The following PLSCR5 variants were observed in gnomAD, a reference collection of about 807,000 sequenced individuals.
The protein encoded by PLSCR5 is phospholipid scramblase family, member 5.
In PLSCR5, 44 loss-of-function variants were observed where a neutral mutation model predicts 33.6. The observed-to-expected ratio is 1.31, with a 90% CI of 1.03 to 1.69. PLSCR5 has a LOEUF of 1.69. Among genes scored for constraint, PLSCR5 ranks in the 40% most tolerant of loss-of-function variants. PLSCR5 has a pLI of 0.00. For missense variants in PLSCR5, 375 were observed against 318.7 expected, an observed-to-expected ratio of 1.18 and a Z score of -1.34; for synonymous variants, 148 against 112.3, an observed-to-expected ratio of 1.32 and a Z score of -2.01.
Position 146,589,530 on chromosome 3 carries a change from T to C in PLSCR5, c.777+123A>G, listed in dbSNP as rs976883687. Reference sequence around the variant, plus strand: ...TTTGAAGAACATTGGTCCTAAGCTATCCTTCTATGAATAAAATATACTCTT... The same window carrying C: ...TTTGAAGAACATTGGTCCTAAGCTACCCTTCTATGAATAAAATATACTCTT... On this transcript the variant is annotated intron_variant, in intron 6 of 7. Coordinates refer to ENST00000443512, the MANE Select transcript of PLSCR5 (RefSeq NM_001085420.2). 52 of 976,710 alleles carry C rather than the reference T, an allele frequency of 5.3e-5. 1 individual carries two copies. In the Admixed American group the frequency reaches 1.7e-3, roughly 33 times the overall value. 60.5% of individuals were successfully genotyped at this position (976,710 alleles called of 1,614,324 possible). A position where few individuals can be genotyped will look rare whatever the true frequency, so the allele number is the denominator to read the frequency against.
In PLSCR5 at chr3:146,605,276, A is replaced by C; in HGVS notation, c.-64T>G. 6.2e-7 allele frequency: 1 copy of C among 1,607,562 alleles called. No individual in the cohort carries two copies. Among genetic ancestry groups the C allele is most frequent in the Non-Finnish European group, 8.5e-7 (1 of 1,176,520 alleles). ...GGAAAACAAAGGCTTTTCTTGTTGC[A>C]GCAAGGAGAGAAAACGCAGCATGCA... On this transcript the variant is annotated 5_prime_UTR_variant, in exon 1 of 8. Transcript: ENST00000443512.
chr3:146,601,262 T>G (rs1001023812), intron 1 of PLSCR5, among the ~76,000 whole-genome samples: 12 of 152,092 alleles, frequency 7.9e-5, no homozygotes, highest in African/African-American at 2.9e-4. Context: ...AGGTGGTATA[T>G]GCAAAAGTCG....
At chr3:146,604,465 A>G (rs995207575) in intron 1 of PLSCR5, among the ~76,000 whole-genome samples, 1 of 152,104 alleles carries the variant, frequency 6.6e-6, no homozygotes, top group African/African-American at 2.4e-5. Context: ...TTTGTTTTCT[A>G]TCTTTAATTT....
intron 2 of PLSCR5, among the ~76,000 whole-genome samples, chr3:146,596,437 CA>C (rs2107856192): frequency 1.3e-5 from 2 of 152,276 alleles, no homozygotes; most frequent in African/African-American, 4.8e-5. Context: ...GTGATCCACC[CA>C]TCTCAGCCTC....
chr3:146,581,038 C>T (rs1469078068), downstream of PLSCR5, among the ~76,000 whole-genome samples: 2 of 152,166 alleles, frequency 1.3e-5, no homozygotes, highest in Non-Finnish European at 2.9e-5. Flanking sequence ...TACACACACT[C>T]TGAAAGACAA....
chr3:146,601,927 CA>C, intron 1 of PLSCR5, among the ~76,000 whole-genome samples: 1 of 152,116 alleles, frequency 6.6e-6, no homozygotes, highest in South Asian at 2.1e-4. Flanking sequence ...TAAATTCATT[CA>C]TTTATTTATT....
At chr3:146,580,999 C>T (rs886256490), downstream of PLSCR5, among the ~76,000 whole-genome samples, 1 of 152,132 alleles carries the variant, frequency 6.6e-6, no homozygotes, top group Non-Finnish European at 1.5e-5. Flanking sequence ...ATTAAACCTG[C>T]TTAATCAATC....
chr3:146,600,306 A>G lies in PLSCR5; in HGVS notation c.171T>C (p.Gly57=), dbSNP rs1356019216. 1.3e-6 allele frequency: 2 copies of G among 1,593,114 alleles called. No individual in the cohort carries two copies. The highest frequency in any genetic ancestry group is 1.7e-5 in the Admixed American group (1 of 58,118). Residue 57 remains glycine, a synonymous_variant, in exon 2 of 8, where the codon GGT becomes GGC. Coordinates refer to ENST00000443512, the MANE Select transcript of PLSCR5 (RefSeq NM_001085420.2). ...AAAACACCTGGCTTAAATATTCTAGACCAGGAGGGAGACTGACTGTTGGCA... is the reference window on the plus strand; with the variant it reads ...AAAACACCTGGCTTAAATATTCTAGGCCAGGAGGGAGACTGACTGTTGGCA... ...SFLPTVSLPP[G]LEYLSQLDLI...
At chr3:146,603,054 T>C (rs891713352) in intron 1 of PLSCR5, among the ~76,000 whole-genome samples, 2 of 152,124 alleles carry the variant, frequency 1.3e-5, no homozygotes, top group South Asian at 2.1e-4. Context: ...AGCAACTTGC[T>C]CTTAAATTGT....
chr3:146,583,670 C>T (rs114876041), downstream of PLSCR5, among the ~76,000 whole-genome samples: 680 of 152,254 alleles, frequency 4.5e-3, 3 homozygotes, highest in African/African-American at 0.015. Flanking sequence ...GGAAGCAAAG[C>T]GCTACATCAG....
intron 1 of PLSCR5, among the ~76,000 whole-genome samples, chr3:146,602,812 C>T (rs2107861002): frequency 6.6e-6 from 1 of 152,084 alleles, no homozygotes; most frequent in Middle Eastern, 3.4e-3. Context: ...CCCGCCCAGT[C>T]CTGGAGGGCC....
intron 7 of PLSCR5, among the ~76,000 whole-genome samples, chr3:146,577,377 G>A (rs1252667367): frequency 6.6e-6 from 1 of 152,058 alleles, no homozygotes; most frequent in Non-Finnish European, 1.5e-5. Context: ...TCCTCTGAAG[G>A]CGATCAGGAT....
chr3:146,579,960 C>T (rs1447564102), intron 7 of PLSCR5, among the ~76,000 whole-genome samples: 2 of 152,184 alleles, frequency 1.3e-5, no homozygotes, highest in Non-Finnish European at 2.9e-5. Flanking sequence ...CTGTGCTCTT[C>T]GCTTGGAATG....
Position 146,605,235 on chromosome 3 carries a change from C to T in PLSCR5, c.-23G>A, listed in dbSNP as rs759758051. On this transcript the variant is annotated 5_prime_UTR_variant, in exon 1 of 8. Coordinates refer to ENST00000443512, the MANE Select transcript of PLSCR5 (RefSeq NM_001085420.2). ...CATGAAGATGTCTGAGTCACTTCTTCAAAGGTTGCCAGGTTGGAAAACAAA... is the reference window on the plus strand; with the variant it reads ...CATGAAGATGTCTGAGTCACTTCTTTAAAGGTTGCCAGGTTGGAAAACAAA... The T allele has an allele frequency of 1.2e-5, 19 of 1,611,094 alleles. 1 individual carries two copies. The Middle Eastern group carries it at 1.2e-3, about 98-fold the overall frequency.
At chr3:146,588,574 C>CAA (rs1253144764) in intron 6 of PLSCR5, among the ~76,000 whole-genome samples, 12 of 152,048 alleles carry the variant, frequency 7.9e-5, no homozygotes, top group Admixed American at 2.6e-4. Flanking sequence ...CATATACACA[C>CAA]ACACACACCC....
chr3:146,599,954 G>T (rs406320), intron 2 of PLSCR5, among the ~76,000 whole-genome samples: 23 of 151,896 alleles, frequency 1.5e-4, no homozygotes, highest in African/African-American at 4.8e-4. Context: ...GTGAGCCACC[G>T]TGCCTGGCAT....
At chr3:146,597,703 G>A (rs1253755471) in intron 2 of PLSCR5, among the ~76,000 whole-genome samples, 3 of 152,032 alleles carry the variant, frequency 2.0e-5, no homozygotes, top group African/African-American at 7.2e-5. Flanking sequence ...TAGCAATTTT[G>A]GAAACTTTAA....
chr3:146,589,947 C>G, intron 5 of PLSCR5, 133 bp from the exon 6 acceptor site: 1 of 544,726 alleles, frequency 1.8e-6, no homozygotes, highest in East Asian at 3.1e-5. Flanking sequence ...CCATGTTATT[C>G]ATTCCATCAT....
At chr3:146,588,762 T>C (rs1019493411) in intron 6 of PLSCR5, among the ~76,000 whole-genome samples, 4 of 151,962 alleles carry the variant, frequency 2.6e-5, no homozygotes, top group African/African-American at 4.8e-5. Context: ...ACTTTGACAA[T>C]AGTACTGTGA....
Sources: gnomAD v4.1 joint callset for allele counts (sites outside exome capture counted in the v4.1 genomes callset) on GRCh38, gnomAD v4.1.1 for gene constraint, MANE v1.5 for transcripts, NCBI Gene and HGNC (gene_info 2026-07-23, HGNC 2026-07-21) for gene names.